Variants in JPH3 observed in about 807,000 individuals in gnomAD.
The protein encoded by JPH3 is junctophilin 3.
A neutral mutation model predicts 59.6 loss-of-function variants in JPH3; 11 were observed. That is an observed-to-expected ratio of 0.18 (90% CI 0.12 to 0.31). The LOEUF is 0.31. JPH3 is among the 10% of genes least tolerant of loss of function. JPH3 has a pLI of 1.00. For synonymous variants in JPH3, 673 were observed against 483.6 expected (o/e 1.39, Z -5.14); for missense variants, 1,202 against 1,105.7 (o/e 1.09, Z -1.24).
At chr16:87,666,326 T>G (rs546236864) in intron 2 of JPH3, among the ~76,000 whole-genome samples, 1 of 151,644 alleles carries the variant, frequency 6.6e-6, no homozygotes, top group East Asian at 1.9e-4. Flanking sequence ...TGACCTCAGG[T>G]GATCCGCTCC....
chr16:87,630,222 C>G (rs1409561283), intron 1 of JPH3, among the ~76,000 whole-genome samples: 2 of 152,206 alleles, frequency 1.3e-5, no homozygotes, highest in East Asian at 3.8e-4. Flanking sequence ...CACCTGGGTC[C>G]TATTTGCTGC....
At position 87,644,901 on chromosome 16, in the gene JPH3, C is replaced by T. The variant is rs2032090461; in HGVS notation, c.1026C>T (p.Ile342=). The T allele has an allele frequency of 3.1e-6, 5 of 1,613,044 alleles. No homozygotes were observed. The highest frequency in any genetic ancestry group is 2.2e-5 in the East Asian group (1 of 44,848). Residue 342 remains isoleucine (I), a synonymous_variant, in exon 2 of 5, where the codon ATC becomes ATT. Coordinates refer to ENST00000284262, the MANE Select transcript of JPH3 (RefSeq NM_020655.4). ...AGGAGGGCAAGTACAAGCAGAACAT[C>T]CTCGTCGGCGGCAAGCGCAAGAACC... ...TKEEGKYKQN[I]LVGGKRKNLI...
At chr16:87,651,263 G>T (rs115597764) in intron 2 of JPH3, among the ~76,000 whole-genome samples, 2 of 152,152 alleles carry the variant, frequency 1.3e-5, no homozygotes, top group African/African-American at 4.8e-5. Flanking sequence ...TACTCACCCC[G>T]GAGCGCCCAT....
intron 2 of JPH3, among the ~76,000 whole-genome samples, chr16:87,651,449 C>T (rs556828429): frequency 6.6e-6 from 1 of 152,172 alleles, no homozygotes; most frequent in Non-Finnish European, 1.5e-5. Context: ...CCATTGAAAA[C>T]CTTCTGGAAA....
chr16:87,618,662 C>T (rs776617579), intron 1 of JPH3, among the ~76,000 whole-genome samples: 32 of 152,198 alleles, frequency 2.1e-4, no homozygotes, highest in Non-Finnish European at 2.9e-4. Context: ...CACCTGTCAT[C>T]GCCTGTCTTT....
intron 1 of JPH3, among the ~76,000 whole-genome samples, chr16:87,640,577 G>C (rs7500273): frequency 0.19 from 28,169 of 151,524 alleles, 3,124 homozygotes; most frequent in East Asian, 0.38. Context: ...ATTTTTAGTA[G>C]AGACAGGATT....
intron 1 of JPH3, among the ~76,000 whole-genome samples, chr16:87,642,838 G>A (rs2031999955): frequency 1.3e-5 from 2 of 152,226 alleles, no homozygotes; most frequent in Admixed American, 1.3e-4. Flanking sequence ...ACAGCTCACA[G>A]AGCAAGACAT....
intron 2 of JPH3, among the ~76,000 whole-genome samples, chr16:87,660,564 G>C (rs957223628): frequency 2.0e-5 from 3 of 152,138 alleles, no homozygotes; most frequent in African/African-American, 7.2e-5. Context: ...AGTACACCAG[G>C]GTCTGGCACA....
intron 2 of JPH3, among the ~76,000 whole-genome samples, chr16:87,657,665 G>C (rs1273809896): frequency 6.6e-6 from 1 of 152,164 alleles, no homozygotes; most frequent in African/African-American, 2.4e-5. Context: ...ACTGTGCCCA[G>C]GCCTCTTCTG....
At chr16:87,631,202 G>A (rs1419517370) in intron 1 of JPH3, among the ~76,000 whole-genome samples, 1 of 151,984 alleles carries the variant, frequency 6.6e-6, no homozygotes, top group Non-Finnish European at 1.5e-5. Context: ...CCATTTTCCT[G>A]GGTATTTCCT....
intron 2 of JPH3, among the ~76,000 whole-genome samples, chr16:87,674,596 G>A (rs2033099580): frequency 2.0e-5 from 3 of 152,290 alleles, no homozygotes; most frequent in Non-Finnish European, 4.4e-5. Context: ...TGTGTATGTC[G>A]ATCACTGCAT....
intron 1 of JPH3, among the ~76,000 whole-genome samples, chr16:87,636,806 G>C (rs944931063): frequency 6.6e-6 from 1 of 152,260 alleles, no homozygotes; most frequent in Non-Finnish European, 1.5e-5. Context: ...AGCTCCGTCA[G>C]TTCATGCGTC....
At position 87,675,832 on chromosome 16, in the gene JPH3, C is replaced by T. The variant is rs143667519; in HGVS notation, c.1161-8310C>T. ...CTGGGGAGAGGACCACTATTCCTCA[C>T]CTTTCATACACCCACTCCCATCCTA... On this transcript the variant is annotated intron_variant, in intron 2 of 4. Transcript: ENST00000284262. Among the ~76,000 whole-genome samples the T allele has an allele frequency of 5.9e-5, 9 of 152,372 alleles. No individual in the cohort carries two copies. In the East Asian group the frequency reaches 9.6e-4, roughly 16 times the overall value.
intron 1 of JPH3, among the ~76,000 whole-genome samples, chr16:87,629,903 G>A (rs1033732981): frequency 2.0e-5 from 3 of 152,186 alleles, no homozygotes; most frequent in Admixed American, 6.5e-5. Context: ...GGGAAGTGGG[G>A]GGCGAGGGGA....
chr16:87,678,021 G>A (rs1463124785), intron 2 of JPH3, among the ~76,000 whole-genome samples: 1 of 152,166 alleles, frequency 6.6e-6, no homozygotes, highest in East Asian at 1.9e-4. Flanking sequence ...GGGAGGCCAA[G>A]GTGGAGGAAT....
chr16:87,613,736 A>C (rs2030825573), intron 1 of JPH3, among the ~76,000 whole-genome samples: 1 of 152,190 alleles, frequency 6.6e-6, no homozygotes, highest in Non-Finnish European at 1.5e-5. Context: ...AAAGCCAGGG[A>C]ATTCCTTTGA....
At chr16:87,683,667 C>T (rs890327779) in intron 2 of JPH3, among the ~76,000 whole-genome samples, 4 of 150,906 alleles carry the variant, frequency 2.7e-5, no homozygotes, top group Admixed American at 6.6e-5. Flanking sequence ...AGTGCAGTGA[C>T]GCGATCTCAG....
At chr16:87,694,919 G>A (rs538831396) in intron 4 of JPH3, 5 of 217,286 alleles carry the variant, frequency 2.3e-5, no homozygotes, top group South Asian at 1.5e-4. Context: ...GCGGTTGCAC[G>A]GCCCATGTCT....
At chr16:87,695,537 G>T in intron 4 of JPH3, 4 of 454,670 alleles carry the variant, frequency 8.8e-6, no homozygotes, top group South Asian at 6.2e-5. Flanking sequence ...CGTGGTGGGG[G>T]TGGGGAGAGG....
Sources: gnomAD v4.1 joint callset for allele counts (sites outside exome capture counted in the v4.1 genomes callset) on GRCh38, gnomAD v4.1.1 for gene constraint, MANE v1.5 for transcripts, NCBI Gene and HGNC (gene_info 2026-07-23, HGNC 2026-07-21) for gene names.